Variants in TMEM135 observed in about 807,000 individuals in gnomAD.
TMEM135 encodes the protein transmembrane protein 135, also known as peroxisomal membrane protein 52.
Under a neutral mutation model 60.3 loss-of-function variants are expected in TMEM135, and 30 were observed. The ratio of observed to expected loss-of-function variants is 0.50; its 90% confidence interval spans 0.37 to 0.68. TMEM135 has a LOEUF of 0.68. Ranked by LOEUF, TMEM135 falls within the 30% of genes least tolerant of loss-of-function variation. The probability of loss-of-function intolerance (pLI) is 0.00; values close to 1 mark genes in which losing one functional copy is unlikely to be tolerated. For synonymous variants in TMEM135, 190 were observed against 186.7 expected, an observed-to-expected ratio of 1.02 and a Z score of -0.14; for missense variants, 468 against 548.8, an observed-to-expected ratio of 0.85 and a Z score of 1.47.
intron 6 of TMEM135, among the ~76,000 whole-genome samples, chr11:87,257,966 C>T (rs1941562588): frequency 6.6e-6 from 1 of 152,058 alleles, no homozygotes; most frequent in South Asian, 2.1e-4. Flanking sequence ...TACAAACTGA[C>T]CACAAGCACG....
At chr11:87,309,846 T>A (rs1056915253) in intron 10 of TMEM135, among the ~76,000 whole-genome samples, 174 bp downstream of exon 10, 1 of 152,164 alleles carries the variant, frequency 6.6e-6, no homozygotes, top group Non-Finnish European at 1.5e-5. Context: ...CAGAAATTTC[T>A]TCTTTTAAAA....
At chr11:87,277,359 G>C (rs1157922966) in intron 6 of TMEM135, 1 of 328,950 alleles carries the variant, frequency 3.0e-6, no homozygotes, top group Non-Finnish European at 6.2e-6. Flanking sequence ...TTGAATTCTT[G>C]GCCTTAAGTG....
intron 6 of TMEM135, among the ~76,000 whole-genome samples, chr11:87,268,698 G>A (rs1189542912): frequency 2.0e-5 from 3 of 151,734 alleles, no homozygotes; most frequent in South Asian, 2.1e-4. Flanking sequence ...TGCACAATTA[G>A]TAAACCCAAT....
intron 5 of TMEM135, among the ~76,000 whole-genome samples, chr11:87,166,932 C>T (rs1398787492): frequency 6.6e-6 from 1 of 152,126 alleles, no homozygotes; most frequent in African/African-American, 2.4e-5. Context: ...TCTTCCTATC[C>T]ATGAGCATGG....
At chr11:87,280,297 A>G (rs1942037358) in intron 6 of TMEM135, among the ~76,000 whole-genome samples, 1 of 152,208 alleles carries the variant, frequency 6.6e-6, no homozygotes, top group Non-Finnish European at 1.5e-5. Context: ...CATGAACATC[A>G]AACCTGGAGT....
At chr11:87,098,542 A>G (rs1470001917) in intron 4 of TMEM135, among the ~76,000 whole-genome samples, 1 of 152,150 alleles carries the variant, frequency 6.6e-6, no homozygotes, top group Non-Finnish European at 1.5e-5. Context: ...AGAATCCAGA[A>G]AAATAAATAA....
chr11:87,118,779 C>G (rs1433896093), intron 4 of TMEM135, among the ~76,000 whole-genome samples: 1 of 152,128 alleles, frequency 6.6e-6, no homozygotes, highest in Non-Finnish European at 1.5e-5. Flanking sequence ...GCTGCTTCAC[C>G]TTGCATTTTT....
intron 5 of TMEM135, among the ~76,000 whole-genome samples, chr11:87,230,454 A>G (rs934151436): frequency 1.3e-5 from 2 of 152,244 alleles, no homozygotes; most frequent in East Asian, 1.9e-4. Context: ...TTGAGCATCT[A>G]TGATGGTGCT....
At chr11:87,312,093 A>G (rs935795738) in intron 10 of TMEM135, among the ~76,000 whole-genome samples, 4 of 151,174 alleles carry the variant, frequency 2.6e-5, no homozygotes, top group Non-Finnish European at 4.4e-5. Context: ...ATGTGTAAAT[A>G]TATATAGTTT....
chr11:87,240,492 T>C (rs543162997), intron 6 of TMEM135, among the ~76,000 whole-genome samples: 3 of 151,608 alleles, frequency 2.0e-5, no homozygotes, highest in African/African-American at 7.3e-5. Context: ...TCATCATAAT[T>C]TTTCATTCAG....
rs746646795 is a variant in TMEM135, at chr11:87,319,341, C to A, written c.1208C>A (p.Ser403Tyr). ...AVMEVQTLRP[S>Y]YWKFLLRLTK... Reference sequence around the variant, plus strand: ...ATGGAAGTTCAGACTTTGAGACCATCTTACTGGAAGTTCCTTTTAAGACTC... The same window carrying A: ...ATGGAAGTTCAGACTTTGAGACCATATTACTGGAAGTTCCTTTTAAGACTC... Residue 403 changes from serine (S) to tyrosine (Y), a missense_variant, in exon 14 of 15, where the codon TCT becomes TAT. Transcript: ENST00000305494. The A allele has an allele frequency of 5.0e-6, 8 of 1,613,520 alleles. No homozygotes were observed. Among genetic ancestry groups the A allele is most frequent in the Non-Finnish European group, 6.8e-6 (8 of 1,179,626 alleles).
At chr11:87,158,636 T>C (rs1037706323) in intron 5 of TMEM135, among the ~76,000 whole-genome samples, 1 of 126,874 alleles carries the variant, frequency 7.9e-6, no homozygotes, top group African/African-American at 3.0e-5. Context: ...TAATTTTTTG[T>C]ATTTTTTTTA....
At chr11:87,060,799 C>T (rs1013880617) in intron 1 of TMEM135, among the ~76,000 whole-genome samples, 16 of 152,074 alleles carry the variant, frequency 1.1e-4, no homozygotes, top group African/African-American at 2.9e-4. Flanking sequence ...CCCACCACCA[C>T]GCCTGGCTAA....
rs1383400469 is a variant in TMEM135, at chr11:87,038,034, C to A, written c.-12C>A. On this transcript the variant is annotated 5_prime_UTR_variant, in exon 1 of 15. It adds an upstream start codon to the 5' untranslated region. Transcript: ENST00000305494. ...CTCTCCCCCTCCTGTCTTCTCCGCG[C>A]TGTTCCTCGTCATGGCGGCCCTCAG... The A allele has an allele frequency of 6.2e-7, 1 of 1,613,948 alleles. No homozygotes were observed. The highest frequency in any genetic ancestry group is 1.3e-5 in the African/African-American group (1 of 75,072).
intron 1 of TMEM135, among the ~76,000 whole-genome samples, chr11:87,043,042 G>A (rs1160805963): frequency 1.5e-4 from 21 of 142,788 alleles, no homozygotes; most frequent in Non-Finnish European, 2.6e-4. Flanking sequence ...TACAACCTCC[G>A]CCTCCCAGGT....
At chr11:87,172,849 A>T (rs1250432043) in intron 5 of TMEM135, among the ~76,000 whole-genome samples, 1 of 151,954 alleles carries the variant, frequency 6.6e-6, no homozygotes, top group Admixed American at 6.6e-5. Context: ...TTCATGAAGA[A>T]TATTCGTGAA....
intron 1 of TMEM135, among the ~76,000 whole-genome samples, chr11:87,056,900 G>GT (rs1232036075): frequency 6.6e-6 from 1 of 152,134 alleles, no homozygotes; most frequent in East Asian, 1.9e-4. Context: ...AAATATATTA[G>GT]TTTTTTCCAA....
chr11:87,212,879 C>T lies in TMEM135; in HGVS notation c.463-23759C>T, dbSNP rs76767889. Among the ~76,000 whole-genome samples the T allele has an allele frequency of 5.4e-5, 8 of 148,218 alleles. No individual in the cohort carries two copies. The East Asian group carries it at 1.6e-3, about 29-fold the overall frequency. On this transcript the variant is annotated intron_variant, in intron 5 of 14. Transcript: ENST00000305494. ...TTGTCTAAGAATGGGCATATTTTTA[C>T]TGATTTAATAAAAATTAATATACAA...
chr11:87,289,437 CTTTTTTTT>C (rs376999371), intron 6 of TMEM135, among the ~76,000 whole-genome samples: 5 of 87,580 alleles, frequency 5.7e-5, no homozygotes, highest in East Asian at 5.6e-4. Context: ...ATCTCCATAT[CTTTTTTTT>C]TTTTTTTTTT....
Sources: allele counts gnomAD v4.1 joint callset (sites outside exome capture counted in the v4.1 genomes callset), GRCh38; gene constraint gnomAD v4.1.1; transcripts MANE v1.5; gene names NCBI Gene and HGNC (gene_info 2026-07-23, HGNC 2026-07-21).